Variants in TTC27 observed in about 807,000 individuals in gnomAD.
TTC27 encodes the protein tetratricopeptide repeat protein 27.
Under a neutral mutation model 115.9 loss-of-function variants are expected in TTC27, and 79 were observed. The ratio of observed to expected loss-of-function variants is 0.68; its 90% CI spans 0.57 to 0.82. The LOEUF is 0.82. Among genes scored for constraint, TTC27 ranks in the 40% least tolerant of loss-of-function variants. TTC27 has a pLI of 0.00. For synonymous variants in TTC27, 401 were observed against 356.0 expected (o/e 1.13, Z -1.42); for missense variants, 1,054 against 993.1 (o/e 1.06, Z -0.82).
chr2:32,670,064 G>C (rs1253715292), intron 7 of TTC27, among the ~76,000 whole-genome samples: 1 of 151,776 alleles, frequency 6.6e-6, no homozygotes, highest in Non-Finnish European at 1.5e-5. Context: ...TTTTAGTAGA[G>C]ACGAGGCTTC....
At chr2:32,689,242 A>G (rs993122540) in intron 9 of TTC27, among the ~76,000 whole-genome samples, 1 of 152,138 alleles carries the variant, frequency 6.6e-6, no homozygotes, top group Non-Finnish European at 1.5e-5. Context: ...ATTTGATTTA[A>G]TAGTGGTTAT....
At chr2:32,634,040 T>C (rs1226087651) in intron 3 of TTC27, 35 bp downstream of exon 3, 2 of 1,579,384 alleles carry the variant, frequency 1.3e-6, no homozygotes, top group Non-Finnish European at 1.7e-6. Flanking sequence ...GTAATTATTA[T>C]TATGTTATTT....
intron 10 of TTC27, among the ~76,000 whole-genome samples, chr2:32,723,496 G>A (rs1667992169): frequency 1.3e-5 from 2 of 151,924 alleles, no homozygotes; most frequent in African/African-American, 4.8e-5. Context: ...TAGAACAGAG[G>A]CCAAACGGGT....
At chr2:32,695,440 G>A (rs2151897036) in intron 9 of TTC27, among the ~76,000 whole-genome samples, 1 of 151,676 alleles carries the variant, frequency 6.6e-6, no homozygotes, top group Admixed American at 6.6e-5. Flanking sequence ...AAAAAATTAG[G>A]CCAGGCACGG....
intron 9 of TTC27, among the ~76,000 whole-genome samples, chr2:32,701,560 A>T (rs1224239388): frequency 6.6e-6 from 1 of 152,152 alleles, no homozygotes; most frequent in East Asian, 1.9e-4. Flanking sequence ...GGTCTATATT[A>T]GAGTTAGTTG....
chr2:32,633,382 G>A lies in TTC27; in HGVS notation c.267-494G>A, dbSNP rs539028758. On this transcript the variant is annotated intron_variant, in intron 2 of 19. Coordinates refer to ENST00000317907, the MANE Select transcript of TTC27 (RefSeq NM_017735.5). ...TGCAAATTTAAACCATGTTTGGCTC[G>A]TGGCTATAATATTGGATATTGTAGA... Among the ~76,000 whole-genome samples, 8 of 152,146 alleles carry A rather than the reference G, an allele frequency of 5.3e-5. No homozygotes were observed. In the South Asian group the frequency reaches 1.0e-3, roughly 20 times the overall value.
chr2:32,726,871 A>G (rs910807874), intron 10 of TTC27, among the ~76,000 whole-genome samples: 4 of 152,200 alleles, frequency 2.6e-5, no homozygotes, highest in Non-Finnish European at 4.4e-5. Flanking sequence ...ATCATGGTGG[A>G]AGGCAAGGAG....
At chr2:32,811,545 C>T (rs1310002927) in intron 17 of TTC27, among the ~76,000 whole-genome samples, 2 of 152,174 alleles carry the variant, frequency 1.3e-5, no homozygotes, top group Non-Finnish European at 2.9e-5. Context: ...TTTCTGCAGG[C>T]ACCTTGCTAA....
intron 7 of TTC27, 107 bp downstream of exon 7, chr2:32,666,875 A>G (rs1665798421): frequency 7.6e-7 from 1 of 1,309,082 alleles, no homozygotes; most frequent in South Asian, 1.8e-5. Context: ...ACTTCATTTT[A>G]TTCTTTCTTT....
At chr2:32,809,690 T>A (rs1671251248) in intron 16 of TTC27, among the ~76,000 whole-genome samples, 1 of 152,240 alleles carries the variant, frequency 6.6e-6, no homozygotes. Context: ...TGCCTTCAGA[T>A]ACACAGCCTA....
At chr2:32,776,368 C>T (rs1374439530) in intron 13 of TTC27, among the ~76,000 whole-genome samples, 1 of 152,170 alleles carries the variant, frequency 6.6e-6, no homozygotes, top group East Asian at 1.9e-4. Flanking sequence ...TAGAGGCAGC[C>T]TCCTACTCTG....
intron 9 of TTC27, among the ~76,000 whole-genome samples, chr2:32,696,728 G>C (rs1354784476): frequency 6.6e-6 from 1 of 152,124 alleles, no homozygotes; most frequent in African/African-American, 2.4e-5. Flanking sequence ...CCCAGAAATG[G>C]AATTGCTAAA....
chr2:32,764,614 G>T (rs1052610270), intron 13 of TTC27, among the ~76,000 whole-genome samples: 1 of 152,166 alleles, frequency 6.6e-6, no homozygotes, highest in African/African-American at 2.4e-5. Flanking sequence ...GAAGTTTGCT[G>T]CATAGATGGA....
At chr2:32,640,737 CT>C (rs1300479781) in intron 4 of TTC27, among the ~76,000 whole-genome samples, 1 of 152,114 alleles carries the variant, frequency 6.6e-6, no homozygotes, top group African/African-American at 2.4e-5. Context: ...AATCCCAGCA[CT>C]TTGAGAGGCT....
At chr2:32,664,574 T>A (rs1665695345) in intron 6 of TTC27, 107 bp downstream of exon 6, 1 of 933,304 alleles carries the variant, frequency 1.1e-6, no homozygotes, top group Non-Finnish European at 1.6e-6. Context: ...TCCTATTTGC[T>A]TTACAAAAGT....
intron 12 of TTC27, among the ~76,000 whole-genome samples, chr2:32,746,838 CTG>C (rs1668849770): frequency 6.6e-6 from 1 of 152,054 alleles, no homozygotes; most frequent in Admixed American, 6.6e-5. Context: ...GTGAAGAAGA[CTG>C]AGGAATGCAA....
At position 32,630,471 on chromosome 2, in the gene TTC27, G is replaced by C. The variant is rs1247584040; in HGVS notation, c.89-52G>C. 6.4e-6 allele frequency: 9 copies of C among 1,403,598 alleles called. No homozygotes were observed. The African/African-American group carries it at 1.0e-4, about 16-fold the overall frequency. 86.9% of individuals were successfully genotyped at this position (1,403,598 alleles called of 1,614,324 possible). Reference sequence around the variant, plus strand: ...TTTACCTAATAGTGTTATCCTTTACGGTATGAAAAATAATTTTTTTTGGAT... The same window carrying C: ...TTTACCTAATAGTGTTATCCTTTACCGTATGAAAAATAATTTTTTTTGGAT... On this transcript the variant is annotated intron_variant, in intron 1 of 19. Coordinates refer to ENST00000317907, the MANE Select transcript of TTC27 (RefSeq NM_017735.5).
chr2:32,754,867 CGG>C (rs1312204496), intron 12 of TTC27, among the ~76,000 whole-genome samples: 1 of 143,346 alleles, frequency 7.0e-6, no homozygotes, highest in African/African-American at 2.6e-5. Flanking sequence ...GCTGGCCAGG[CGG>C]GGGGGCTGAC....
intron 13 of TTC27, among the ~76,000 whole-genome samples, chr2:32,772,552 C>G (rs1425559718): frequency 1.3e-5 from 2 of 152,130 alleles, no homozygotes; most frequent in African/African-American, 2.4e-5. Flanking sequence ...TTCCATGAGA[C>G]ACTCCACACT....
Sources: allele counts gnomAD v4.1 joint callset (sites outside exome capture counted in the v4.1 genomes callset), GRCh38; gene constraint gnomAD v4.1.1; transcripts MANE v1.5; gene names NCBI Gene and HGNC (gene_info 2026-07-23, HGNC 2026-07-21).